WDR64: variants seen among roughly 807,000 people sequenced by gnomAD.
WDR64 encodes the protein WD repeat-containing protein 64.
In WDR64, 112 loss-of-function variants were observed where a neutral mutation model predicts 139.3. The ratio of observed to expected loss-of-function variants is 0.80; its 90% CI spans 0.69 to 0.94. The LOEUF is 0.94. WDR64 is among the 40% of genes least tolerant of loss of function. The pLI is 0.00. For missense variants in WDR64, 1,206 were observed against 1,293.1 expected, an observed-to-expected ratio of 0.93 and a Z score of 1.03; for synonymous variants, 444 against 437.7, an observed-to-expected ratio of 1.01 and a Z score of -0.18.
intron 23 of WDR64, among the ~76,000 whole-genome samples, chr1:241,784,953 G>GGAAAAAAAAAAAAA (rs766802128): frequency 0.02 from 1,255 of 62,142 alleles, 206 homozygotes; most frequent in East Asian, 0.029. Flanking sequence ...GACTCTGTCT[G>GGAAAAAAAAAAAAA]AAAAAAAAAA....
intron 12 of WDR64, among the ~76,000 whole-genome samples, chr1:241,742,191 A>AT (rs1669572685): frequency 6.6e-6 from 1 of 152,210 alleles, no homozygotes; most frequent in Non-Finnish European, 1.5e-5. Flanking sequence ...CATAAGCATG[A>AT]CGGCTGGAAT....
intron 11 of WDR64, among the ~76,000 whole-genome samples, chr1:241,740,909 A>G (rs935777769): frequency 6.6e-6 from 1 of 152,232 alleles, no homozygotes; most frequent in African/African-American, 2.4e-5. Flanking sequence ...TATCATACTT[A>G]GAAAAATGCA....
intron 9 of WDR64, among the ~76,000 whole-genome samples, chr1:241,714,390 T>C (rs903406219): frequency 6.6e-5 from 10 of 152,204 alleles, no homozygotes; most frequent in African/African-American, 2.4e-4. Flanking sequence ...AAAGGAGCCA[T>C]GATGTTTAAT....
intron 11 of WDR64, among the ~76,000 whole-genome samples, chr1:241,741,157 T>C (rs1208813980): frequency 1.3e-5 from 2 of 152,156 alleles, no homozygotes; most frequent in African/African-American, 4.8e-5. Flanking sequence ...ATCACCACTA[T>C]TGCTGTGCAA....
chr1:241,758,688 T>C lies in WDR64; in HGVS notation c.1947+1229T>C, dbSNP rs182184170. ...CCCAAACTGTCCCATCTGAAACTGG[T>C]TGGAGCCTCTTCAGGCTCCTGAGTT... On this transcript the variant is annotated intron_variant, in intron 15 of 27. Transcript: ENST00000437684. Among the ~76,000 whole-genome samples the C allele has an allele frequency of 4.8e-3, 735 of 152,286 alleles. 2 individuals carry two copies. Among genetic ancestry groups the C allele is most frequent in the Non-Finnish European group, 8.3e-3 (565 of 68,012 alleles).
intron 15 of WDR64, among the ~76,000 whole-genome samples, chr1:241,765,654 G>A (rs891333554): frequency 5.9e-5 from 9 of 152,080 alleles, no homozygotes; most frequent in Non-Finnish European, 8.8e-5. Flanking sequence ...GCCTCCCTCC[G>A]ATACAGCACT....
intron 3 of WDR64, 129 bp downstream of exon 3, chr1:241,671,305 C>T (rs1666218384): frequency 1.5e-6 from 1 of 647,232 alleles, no homozygotes; most frequent in Non-Finnish European, 2.6e-6. Context: ...CACTAGGTGT[C>T]GGGGGTGGTG....
chr1:241,710,383 G>A (rs753967076), intron 8 of WDR64, among the ~76,000 whole-genome samples: 1 of 152,154 alleles, frequency 6.6e-6, no homozygotes, highest in Non-Finnish European at 1.5e-5. Flanking sequence ...AAGCCCACAC[G>A]TTGTCACTCA....
At chr1:241,660,778 G>A (rs1162239826) in intron 2 of WDR64, 118 bp downstream of exon 2, 13 of 1,116,768 alleles carry the variant, frequency 1.2e-5, no homozygotes, top group Non-Finnish European at 1.7e-5. Flanking sequence ...GCATGTGTCA[G>A]TTTCAATACC....
At position 241,787,723 on chromosome 1, in the gene WDR64, G is replaced by T. The variant is rs1659089292; in HGVS notation, c.2706-126G>T. The T allele has an allele frequency of 4.0e-6, 3 of 752,908 alleles. No homozygotes were observed. The South Asian group carries it at 6.9e-5, about 17-fold the overall frequency. The allele number at this position is 752,908 out of a possible 1,614,324, so 46.6% of individuals were successfully genotyped here. ...AGCTCCACAGTATTTCATAGAAAGG[G>T]TCTTGAACCCAAGTAAAAAAATCCT... On this transcript the variant is annotated intron_variant, in intron 23 of 27. Coordinates refer to ENST00000437684, the MANE Select transcript of WDR64 (RefSeq NM_001367482.1).
chr1:241,767,569 G>A (rs1558515899), intron 16 of WDR64, among the ~76,000 whole-genome samples: 2 of 152,256 alleles, frequency 1.3e-5, no homozygotes, highest in South Asian at 4.1e-4. Context: ...GCATTTGGGG[G>A]ACGGGAAGAG....
At chr1:241,719,415 A>G (rs981188711) in intron 9 of WDR64, among the ~76,000 whole-genome samples, 6 of 152,168 alleles carry the variant, frequency 3.9e-5, no homozygotes, top group Non-Finnish European at 8.8e-5. Context: ...AAGGAGGCAC[A>G]TAGGTAGGGC....
chr1:241,748,084 G>T (rs1227435735), intron 13 of WDR64, among the ~76,000 whole-genome samples: 1 of 152,144 alleles, frequency 6.6e-6, no homozygotes, highest in Non-Finnish European at 1.5e-5. Flanking sequence ...ACACTGTGGA[G>T]CCACAGAAAG....
chr1:241,679,751 ACT>A (rs775209296), intron 6 of WDR64, among the ~76,000 whole-genome samples, 156 bp downstream of exon 6: 1 of 152,116 alleles, frequency 6.6e-6, no homozygotes, highest in Non-Finnish European at 1.5e-5. Context: ...CAGCATGTAT[ACT>A]CTCTAATTAA....
Position 241,784,953 on chromosome 1 carries a change from G to GAAAAAAAAAAAAAAAAAAA in WDR64, c.2705+1577_2705+1595dup, listed in dbSNP as rs58720618. The stretch of plus-strand genomic sequence containing the variant: ...TGGGCGACAGAGTGAGACTCTGTCT[G>GAAAAAAAAAAAAAAAAAAA]AAAAAAAAAAAAAAAAAAAAAAAGA... On this transcript the variant is annotated intron_variant, in intron 23 of 27. Transcript: ENST00000437684. 3.1e-3 allele frequency among the ~76,000 whole-genome samples: 190 copies of GAAAAAAAAAAAAAAAAAAA among 62,196 alleles called. 3 individuals carry two copies. The highest frequency in any genetic ancestry group is 5.9e-3 in the African/African-American group (108 of 18,456). 40.8% of individuals were successfully genotyped at this position (62,196 alleles called of 152,430 possible).
At chr1:241,740,311 T>C (rs767236616) in intron 11 of WDR64, among the ~76,000 whole-genome samples, 2 of 152,230 alleles carry the variant, frequency 1.3e-5, no homozygotes, top group Non-Finnish European at 1.5e-5. Context: ...AGTCAGTTAC[T>C]GTCACTGTAA....
At chr1:241,658,396 G>A (rs145393324) in intron 1 of WDR64, among the ~76,000 whole-genome samples, 2 of 151,892 alleles carry the variant, frequency 1.3e-5, no homozygotes, top group African/African-American at 4.8e-5. Flanking sequence ...CAGCACTTTG[G>A]GAGGCTGAAG....
At chr1:241,699,347 C>A (rs1006336395) in intron 8 of WDR64, among the ~76,000 whole-genome samples, 1 of 152,172 alleles carries the variant, frequency 6.6e-6, no homozygotes, top group African/African-American at 2.4e-5. Flanking sequence ...AACTCTACAG[C>A]AGCCATCTGA....
chr1:241,783,487 C>A, intron 23 of WDR64, 106 bp downstream of exon 23: 1 of 783,760 alleles, frequency 1.3e-6, no homozygotes. Flanking sequence ...TCTTGGTAAA[C>A]TGATTTAAAT....
Sources: gnomAD v4.1 joint callset for allele counts (sites outside exome capture counted in the v4.1 genomes callset) on GRCh38, gnomAD v4.1.1 for gene constraint, MANE v1.5 for transcripts, NCBI Gene and HGNC (gene_info 2026-07-23, HGNC 2026-07-21) for gene names.